The following MORC1 variants were observed in gnomAD, a reference collection of about 807,000 sequenced individuals.
MORC1 encodes MORC family CW-type zinc finger 1.
A neutral mutation model predicts 134.9 loss-of-function variants in MORC1; 59 were observed. The observed-to-expected ratio is 0.44, with a 90% CI of 0.35 to 0.54. The LOEUF is 0.54. Among genes scored for constraint, MORC1 ranks in the 20% least tolerant of loss-of-function variants. The pLI is 0.00. For missense variants in MORC1, 947 were observed against 1,134.5 expected, an observed-to-expected ratio of 0.83 and a Z score of 2.37; for synonymous variants, 395 against 391.7, an observed-to-expected ratio of 1.01 and a Z score of -0.10.
At chr3:109,110,663 G>T in intron 3 of MORC1, 86 bp downstream of exon 3, 2 of 1,146,284 alleles carry the variant, frequency 1.7e-6, no homozygotes, top group Non-Finnish European at 2.5e-6. Flanking sequence ...ATAGAATGTG[G>T]TTTTATTTCA....
At chr3:109,019,869 A>G (rs1294449865) in intron 17 of MORC1, among the ~76,000 whole-genome samples, 1 of 152,212 alleles carries the variant, frequency 6.6e-6, no homozygotes. Flanking sequence ...CACCAAAAGT[A>G]TAGATAATTA....
intron 8 of MORC1, among the ~76,000 whole-genome samples, chr3:109,077,736 A>G (rs1028597071): frequency 1.3e-5 from 2 of 152,162 alleles, no homozygotes; most frequent in Admixed American, 1.3e-4. Context: ...GAAGCAAGGC[A>G]AATACAACGT....
chr3:109,052,988 A>G (rs1279548180), intron 14 of MORC1, among the ~76,000 whole-genome samples: 1 of 152,104 alleles, frequency 6.6e-6, no homozygotes, highest in Non-Finnish European at 1.5e-5. Flanking sequence ...AAGAAGACAT[A>G]CATGCAGCCA....
intron 20 of MORC1, 85 bp from the exon 21 acceptor site, chr3:109,000,743 C>G: frequency 1.0e-6 from 1 of 965,272 alleles, no homozygotes; most frequent in Non-Finnish European, 1.6e-6. Flanking sequence ...TTCATTCTGC[C>G]TCTACTTACT....
intron 21 of MORC1, among the ~76,000 whole-genome samples, chr3:108,998,239 G>A (rs1327893229): frequency 6.6e-6 from 1 of 152,222 alleles, no homozygotes; most frequent in African/African-American, 2.4e-5. Flanking sequence ...CAGTTGAACT[G>A]AAGCTGTATT....
chr3:108,981,907 G>T (rs922499926), intron 23 of MORC1, among the ~76,000 whole-genome samples: 11 of 152,058 alleles, frequency 7.2e-5, no homozygotes, highest in Admixed American at 7.2e-4. Flanking sequence ...TAGACAAGTG[G>T]GATCTAATTA....
chr3:109,097,259 A>T (rs1466519307), intron 6 of MORC1, among the ~76,000 whole-genome samples: 2 of 152,242 alleles, frequency 1.3e-5, no homozygotes, highest in Non-Finnish European at 2.9e-5. Flanking sequence ...GCTCAATAAC[A>T]ACACTAGAAA....
At chr3:109,092,998 G>A (rs1213767909) in intron 8 of MORC1, among the ~76,000 whole-genome samples, 4 of 151,998 alleles carry the variant, frequency 2.6e-5, no homozygotes, top group Non-Finnish European at 5.9e-5. Flanking sequence ...CTATCCTAAT[G>A]TCTGTCCATT....
chr3:108,981,113 G>C (rs1286578154), intron 23 of MORC1, among the ~76,000 whole-genome samples: 8 of 152,188 alleles, frequency 5.3e-5, no homozygotes, highest in African/African-American at 1.9e-4. Context: ...AAAAGTACAA[G>C]AGTCTGGGGG....
At chr3:108,996,271 T>TGCATGC (rs1553745272) in intron 21 of MORC1, among the ~76,000 whole-genome samples, 3 of 87,496 alleles carry the variant, frequency 3.4e-5, no homozygotes, top group African/African-American at 1.3e-4. Context: ...CATGTGCGCG[T>TGCATGC]GCGTGCGCGC....
At chr3:109,006,961 T>G in intron 18 of MORC1, 68 bp downstream of exon 18, 1 of 1,340,922 alleles carries the variant, frequency 7.5e-7, no homozygotes, top group East Asian at 2.3e-5. Context: ...AGTTGGCCCT[T>G]GATAAGGCTT....
At chr3:109,105,522 C>CA (rs1021753450) in intron 3 of MORC1, among the ~76,000 whole-genome samples, 22 of 151,260 alleles carry the variant, frequency 1.5e-4, no homozygotes, top group Non-Finnish European at 5.9e-5. Context: ...AACTCCATCT[C>CA]AAAAAAAATA....
At chr3:108,990,733 G>A (rs964581856) in intron 21 of MORC1, among the ~76,000 whole-genome samples, 1 of 152,206 alleles carries the variant, frequency 6.6e-6, no homozygotes, top group South Asian at 2.1e-4. Context: ...TATTGTTTAG[G>A]ACAGTAACTG....
intron 27 of MORC1, among the ~76,000 whole-genome samples, chr3:108,960,565 T>G (rs80010058): frequency 0.031 from 4,764 of 152,294 alleles, 238 homozygotes; most frequent in African/African-American, 0.11. Flanking sequence ...ATTTTGCTTG[T>G]TGACTTTTTT....
At chr3:108,965,073 A>G (rs1947181892) in intron 26 of MORC1, among the ~76,000 whole-genome samples, 1 of 152,222 alleles carries the variant, frequency 6.6e-6, no homozygotes, top group African/African-American at 2.4e-5. Flanking sequence ...GTGGAGTAGA[A>G]GGAATAACTT....
chr3:109,016,124 A>G (rs957792949), intron 17 of MORC1, among the ~76,000 whole-genome samples: 1 of 152,186 alleles, frequency 6.6e-6, no homozygotes, highest in African/African-American at 2.4e-5. Flanking sequence ...TGTCACATAA[A>G]CCAGATGAAT....
intron 11 of MORC1, among the ~76,000 whole-genome samples, chr3:109,061,271 G>T (rs1198651464): frequency 6.6e-6 from 1 of 152,112 alleles, no homozygotes; most frequent in Non-Finnish European, 1.5e-5. Context: ...TAAATATGTT[G>T]CTTAATCATT....
At chr3:109,000,962 C>T (rs1469012869) in intron 20 of MORC1, among the ~76,000 whole-genome samples, 1 of 152,068 alleles carries the variant, frequency 6.6e-6, no homozygotes, top group Non-Finnish European at 1.5e-5. Flanking sequence ...TACAAGTAAT[C>T]TTCGAGTAAT....
chr3:109,009,195 A>C (rs1411126494), intron 17 of MORC1, among the ~76,000 whole-genome samples: 1 of 141,574 alleles, frequency 7.1e-6, no homozygotes, highest in Non-Finnish European at 1.6e-5. Flanking sequence ...TCCTATTTTT[A>C]CGTTTTTTGT....
Sources: gnomAD v4.1 joint callset for allele counts (sites outside exome capture counted in the v4.1 genomes callset) on GRCh38, gnomAD v4.1.1 for gene constraint, MANE v1.5 for transcripts, NCBI Gene and HGNC (gene_info 2026-07-23, HGNC 2026-07-21) for gene names.